Variants in REEP5 observed in about 807,000 individuals in gnomAD.
REEP5 encodes receptor accessory protein 5, also known as receptor expression-enhancing protein 5.
REEP5 carries 24 observed loss-of-function variants against 22.4 expected under a neutral mutation model. That is an observed-to-expected ratio of 1.07 (90% confidence interval 0.78 to 1.51). The LOEUF (loss-of-function observed/expected upper bound fraction) is 1.51, where lower values mean the gene tolerates loss of function less well. Ranked by LOEUF, REEP5 falls within the 40% of genes most tolerant of loss-of-function variation. REEP5 has a pLI of 0.00. For missense variants in REEP5, 252 were observed against 233.0 expected (o/e 1.08, Z -0.53); for synonymous variants, 103 against 88.6 (o/e 1.16, Z -0.92).
chr5:112,892,110 A>G, intron 3 of REEP5: 1 of 1,614,094 alleles, frequency 6.2e-7, no homozygotes, highest in South Asian at 1.1e-5. Context: ...ATAGTACCAC[A>G]TGGCAAAACC....
chr5:112,877,039 T>C lies in REEP5; in HGVS notation c.*1747A>G, dbSNP rs1767916066. On this transcript the variant is annotated 3_prime_UTR_variant, in exon 5 of 5. Transcript: ENST00000379638. ...TGTACTTTTATTTATGGGAAAAGGA[T>C]TTAAATACTCCTAGATACTTAAAAT... 1 of 152,142 alleles carries C rather than the reference T, an allele frequency of 6.6e-6. No individual in the cohort carries two copies. The highest frequency in any genetic ancestry group is 6.5e-5 in the Admixed American group (1 of 15,268). The allele number at this position is 152,142 out of a possible 1,614,324, so 9.4% of individuals were successfully genotyped here.
chr5:112,887,567 T>A (rs918977663), intron 3 of REEP5, among the ~76,000 whole-genome samples: 3 of 152,220 alleles, frequency 2.0e-5, no homozygotes, highest in Non-Finnish European at 2.9e-5. Flanking sequence ...AAGCCTAATA[T>A]CTAGGAGGCC....
intron 3 of REEP5, chr5:112,892,355 A>G (rs1462172532): frequency 6.2e-7 from 1 of 1,614,034 alleles, no homozygotes; most frequent in Non-Finnish European, 8.5e-7. Flanking sequence ...GAAACCTACC[A>G]ACAGTTCCTA....
chr5:112,879,039 A>T (rs1219766679), intron 4 of REEP5, among the ~76,000 whole-genome samples: 1 of 152,052 alleles, frequency 6.6e-6, no homozygotes, highest in Non-Finnish European at 1.5e-5. Flanking sequence ...CAAATCCTAA[A>T]TACTTGAGCA....
At chr5:112,902,261 CCTGTCTTCT>C (rs1768868831) in intron 3 of REEP5, 110 bp downstream of exon 3, 2 of 1,080,326 alleles carry the variant, frequency 1.9e-6, no homozygotes, top group East Asian at 5.6e-5. Context: ...GTTGCCCAGG[CCTGTCTTCT>C]TGTTTATAAT....
intron 2 of REEP5, among the ~76,000 whole-genome samples, chr5:112,913,036 G>A (rs188317167): frequency 7.9e-5 from 12 of 152,286 alleles, no homozygotes; most frequent in African/African-American, 2.9e-4. Context: ...GGGCACAGTG[G>A]CTCATGTCTG....
intron 3 of REEP5, chr5:112,891,951 G>A: frequency 8.0e-7 from 1 of 1,247,326 alleles, no homozygotes; most frequent in Non-Finnish European, 1.2e-6. Context: ...CTAAAAAATG[G>A]CTAGAAGAAC....
At chr5:112,892,762 C>G (rs1301633289) in intron 3 of REEP5, 4 of 1,613,898 alleles carry the variant, frequency 2.5e-6, no homozygotes, top group Admixed American at 3.3e-5. Context: ...GATGGGCCAC[C>G]ACGACCACTA....
At chr5:112,897,892 C>T (rs1454362735) in intron 3 of REEP5, 2 of 152,194 alleles carry the variant, frequency 1.3e-5, no homozygotes, top group African/African-American at 2.4e-5. Flanking sequence ...AACCCCATCT[C>T]TACTAAAAAT....
intron 2 of REEP5, among the ~76,000 whole-genome samples, chr5:112,916,244 A>G (rs1028643052): frequency 6.6e-6 from 1 of 152,066 alleles, no homozygotes; most frequent in Non-Finnish European, 1.5e-5. Context: ...TCTTGTAGAT[A>G]TTTTCATTGT....
intron 3 of REEP5, chr5:112,892,561 C>A (rs749317065): frequency 6.2e-7 from 1 of 1,614,096 alleles, no homozygotes; most frequent in South Asian, 1.1e-5. Context: ...TGAATTCTGC[C>A]CAGTGACCCG....
chr5:112,886,925 A>G lies in REEP5; in HGVS notation c.520+90T>C, dbSNP rs370296608. On this transcript the variant is annotated intron_variant, in intron 4 of 4. Coordinates refer to ENST00000379638, the MANE Select transcript of REEP5 (RefSeq NM_005669.5). ...GTTGGCATTTGGCTGAGGGGTGGTG[A>G]TAAGACAAGAAGGCCAGGAAGCCTG... 49 of 954,246 alleles carry G rather than the reference A, an allele frequency of 5.1e-5. No individual in the cohort carries two copies. The African/African-American group carries it at 5.9e-4, about 11-fold the overall frequency. 59.1% of individuals were successfully genotyped at this position (954,246 alleles called of 1,614,324 possible).
intron 4 of REEP5, among the ~76,000 whole-genome samples, chr5:112,879,180 T>G (rs74355398): frequency 0.021 from 3,182 of 152,254 alleles, 105 homozygotes; most frequent in African/African-American, 0.073. Flanking sequence ...TCTATTTGTA[T>G]CTGTGTGCTT....
chr5:112,886,922 G>T, intron 4 of REEP5, 93 bp downstream of exon 4: 3 of 900,102 alleles, frequency 3.3e-6, no homozygotes, highest in Non-Finnish European at 5.1e-6. Flanking sequence ...CTGAGGGGTG[G>T]TGATAAGACA....
At chr5:112,891,793 G>C in intron 3 of REEP5, 1 of 1,609,454 alleles carries the variant, frequency 6.2e-7, no homozygotes, top group Non-Finnish European at 8.5e-7. Flanking sequence ...CTCACAGGAG[G>C]AGGAAGAGGA....
chr5:112,901,621 A>C lies in REEP5; in HGVS notation c.351+759T>G, dbSNP rs138087522. Among the ~76,000 whole-genome samples, 1,386 of 151,480 alleles carry C rather than the reference A, an allele frequency of 9.1e-3. 23 individuals are homozygous for C. The highest frequency in any genetic ancestry group is 0.032 in the African/African-American group (1,334 of 41,272). Reference sequence around the variant, plus strand: ...CAGCTACTCGGGAGGCTGAGGCAGGACAATCACTTGAACCCAGGATGCGGA... The same window carrying C: ...CAGCTACTCGGGAGGCTGAGGCAGGCCAATCACTTGAACCCAGGATGCGGA... On this transcript the variant is annotated intron_variant, in intron 3 of 4. Coordinates refer to ENST00000379638, the MANE Select transcript of REEP5 (RefSeq NM_005669.5).
At chr5:112,885,271 GC>G in intron 4 of REEP5, 1 of 171,374 alleles carries the variant, frequency 5.8e-6, no homozygotes, top group Non-Finnish European at 1.3e-5. Flanking sequence ...AGCTCAAACT[GC>G]CAGAGACAGA....
At chr5:112,921,823 G>A in intron 1 of REEP5, 1 of 390,938 alleles carries the variant, frequency 2.6e-6, no homozygotes, top group Non-Finnish European at 4.6e-6. Context: ...GTCAGCGCTG[G>A]CCCTTCCAGC....
intron 3 of REEP5, among the ~76,000 whole-genome samples, chr5:112,888,034 A>G (rs925837677): frequency 1.8e-4 from 28 of 152,162 alleles, no homozygotes; most frequent in Admixed American, 4.6e-4. Flanking sequence ...AGTTTAAAAG[A>G]TTCTAACCAC....
Sources: allele counts gnomAD v4.1 joint callset (sites outside exome capture counted in the v4.1 genomes callset), GRCh38; gene constraint gnomAD v4.1.1; transcripts MANE v1.5; gene names NCBI Gene and HGNC (gene_info 2026-07-23, HGNC 2026-07-21).